CYP4X1: variants seen among roughly 807,000 people sequenced by gnomAD.
CYP4X1 encodes cytochrome P450 family 4 subfamily X member 1, also known as cytochrome P450 4X1.
In CYP4X1, 44 loss-of-function variants were observed where a neutral mutation model predicts 57.9. That is an observed-to-expected ratio of 0.76 (90% CI 0.60 to 0.98). The LOEUF (loss-of-function observed/expected upper bound fraction) is 0.98, where lower values mean the gene tolerates loss of function less well. Ranked by LOEUF, CYP4X1 falls within the 50% of genes least tolerant of loss-of-function variation. CYP4X1 has a pLI of 0.00. For synonymous variants in CYP4X1, 227 were observed against 228.6 expected, an observed-to-expected ratio of 0.99 and a Z score of 0.06; for missense variants, 532 against 623.9, an observed-to-expected ratio of 0.85 and a Z score of 1.57.
chr1:46,994,142 T>C, the CYP4X1 span, among the ~76,000 whole-genome samples: 1 of 152,220 alleles, frequency 6.6e-6, no homozygotes. Flanking sequence ...TTCAGCTTTC[T>C]ACATATGGCT....
Position 47,023,863 on chromosome 1 carries a change from C to G in CYP4X1, c.46C>G (p.Leu16Val), listed in dbSNP as rs1054525042. The change falls in exon 1 of 12, where the codon CTG becomes GTG. Residue 16 changes from leucine (L) to valine (V), a missense_variant. Leu to Val is a conservative substitution (Grantham distance 32). Coordinates refer to ENST00000371901, the MANE Select transcript of CYP4X1 (RefSeq NM_178033.2). ...GACGCGCTGGGCGCGGCCCTTTTAC[C>G]TGGCGTTCGTGTTCTGCCTGGCCCT... Reference protein sequence around the residue: ...LETRWARPFYLAFVFCLALGL... With the variant: ...LETRWARPFYVAFVFCLALGL... 7 of 1,613,584 alleles carry G rather than the reference C, an allele frequency of 4.3e-6. No individual in the cohort carries two copies. Among genetic ancestry groups the G allele is most frequent in the Middle Eastern group, 1.7e-4 (1 of 5,724 alleles).
chr1:46,965,855 G>A, the CYP4X1 span, among the ~76,000 whole-genome samples: 4 of 152,204 alleles, frequency 2.6e-5, no homozygotes, highest in African/African-American at 9.6e-5. Flanking sequence ...CCCCTCAGGA[G>A]CTCCATCCTG....
the CYP4X1 span, among the ~76,000 whole-genome samples, chr1:46,989,330 T>C: frequency 6.6e-6 from 1 of 151,702 alleles, no homozygotes; most frequent in African/African-American, 2.4e-5. Flanking sequence ...TACCTAGGAA[T>C]ACCAATTTAC....
the CYP4X1 span, among the ~76,000 whole-genome samples, chr1:46,985,474 G>A: frequency 3.3e-5 from 5 of 152,210 alleles, no homozygotes; most frequent in Non-Finnish European, 7.3e-5. Context: ...TCCTGGCTCT[G>A]AAGAGAGCAG....
At chr1:46,974,563 G>A in the CYP4X1 span, among the ~76,000 whole-genome samples, 3 of 152,086 alleles carry the variant, frequency 2.0e-5, no homozygotes, top group Non-Finnish European at 4.4e-5. Flanking sequence ...GTTTATTTAA[G>A]TCTCTTCATA....
At position 47,036,167 on chromosome 1, in the gene CYP4X1, C is replaced by T. The variant is rs1303118970; in HGVS notation, c.771C>T (p.Tyr257=). 6.2e-7 allele frequency: 1 copy of T among 1,608,740 alleles called. No homozygotes were observed. The highest frequency in any genetic ancestry group is 8.5e-7 in the Non-Finnish European group (1 of 1,176,264). ...AGTTAAGCCGAGTGTTGAATCAGTACACAGGTATTTGTTGGGTTTGGGTTG... is the reference window on the plus strand; with the variant it reads ...AGTTAAGCCGAGTGTTGAATCAGTATACAGGTATTTGTTGGGTTTGGGTTG... ...FQKLSRVLNQ[Y]TDTIIQERKK... Residue 257 remains tyrosine, a synonymous_variant, in exon 6 of 12, where the codon TAC becomes TAT. Transcript: ENST00000371901.
chr1:46,961,465 T>A, the CYP4X1 span: 1 of 968,126 alleles, frequency 1.0e-6, no homozygotes, highest in Non-Finnish European at 1.3e-6. Context: ...CCACTCTGGT[T>A]TGAACCGTTC....
the CYP4X1 span, among the ~76,000 whole-genome samples, chr1:46,982,256 C>T: frequency 6.6e-6 from 1 of 152,194 alleles, no homozygotes; most frequent in Non-Finnish European, 1.5e-5. Context: ...AATCATTTTA[C>T]TGAATTCCTT....
the CYP4X1 span, among the ~76,000 whole-genome samples, chr1:46,981,921 G>A: frequency 6.6e-6 from 1 of 152,188 alleles, no homozygotes; most frequent in Non-Finnish European, 1.5e-5. Context: ...TCATAGGTGG[G>A]AATTGAACTA....
At chr1:47,000,968 C>T in the CYP4X1 span, 1 of 187,700 alleles carries the variant, frequency 5.3e-6, no homozygotes, top group Non-Finnish European at 1.2e-5. Flanking sequence ...AATTTCAACA[C>T]CATTTGTGGT....
chr1:47,035,725 CAG>C (rs1257442691), intron 4 of CYP4X1, 79 bp from the exon 5 acceptor site: 3 of 1,528,400 alleles, frequency 2.0e-6, no homozygotes, highest in African/African-American at 2.8e-5. Context: ...ATCATAAAAA[CAG>C]GGCCAGGCAG....
chr1:47,015,283 G>A, the CYP4X1 span, among the ~76,000 whole-genome samples: 2 of 152,186 alleles, frequency 1.3e-5, no homozygotes, highest in Non-Finnish European at 2.9e-5. Flanking sequence ...ATGTTGACTG[G>A]AGAAAATGAT....
chr1:46,991,023 A>G, the CYP4X1 span, among the ~76,000 whole-genome samples: 1 of 151,274 alleles, frequency 6.6e-6, no homozygotes, highest in Non-Finnish European at 1.5e-5. Flanking sequence ...CGTTCTGCAC[A>G]TGTATCCCAG....
intron 8 of CYP4X1, among the ~76,000 whole-genome samples, chr1:47,043,096 TCA>T (rs1644263711): frequency 6.6e-6 from 1 of 152,240 alleles, no homozygotes; most frequent in South Asian, 2.1e-4. Context: ...TGTTCCCTGT[TCA>T]CTGTATCCAC....
chr1:46,979,758 A>G, the CYP4X1 span, among the ~76,000 whole-genome samples: 11 of 152,342 alleles, frequency 7.2e-5, no homozygotes, highest in South Asian at 6.2e-4. Flanking sequence ...ATCCAGCAGC[A>G]CATCAAAAAG....
chr1:47,021,644 G>T (rs1643998373), upstream of CYP4X1, among the ~76,000 whole-genome samples: 1 of 152,174 alleles, frequency 6.6e-6, no homozygotes, highest in Admixed American at 6.5e-5. Flanking sequence ...CCTCTCTTAG[G>T]CTCCTAAATA....
chr1:46,964,953 C>G, the CYP4X1 span, among the ~76,000 whole-genome samples: 19 of 152,166 alleles, frequency 1.2e-4, no homozygotes, highest in African/African-American at 4.6e-4. Context: ...CGCTCCTCCC[C>G]TAGCCTCACT....
chr1:46,995,641 T>C, the CYP4X1 span, among the ~76,000 whole-genome samples: 1 of 152,254 alleles, frequency 6.6e-6, no homozygotes, highest in Non-Finnish European at 1.5e-5. Context: ...CAGCTCTCAC[T>C]GGGATCACAA....
At chr1:47,044,024 G>C (rs1644275227) in intron 8 of CYP4X1, among the ~76,000 whole-genome samples, 2 of 152,074 alleles carry the variant, frequency 1.3e-5, no homozygotes, top group Non-Finnish European at 2.9e-5. Flanking sequence ...ATATGCTTGG[G>C]TCTTGTTTTA....
Sources: allele counts gnomAD v4.1 joint callset (sites outside exome capture counted in the v4.1 genomes callset), GRCh38; gene constraint gnomAD v4.1.1; transcripts MANE v1.5; gene names NCBI Gene and HGNC (gene_info 2026-07-23, HGNC 2026-07-21).